The following STRBP variants were observed in gnomAD, a reference collection of about 807,000 sequenced individuals.
STRBP encodes the protein spermatid perinuclear RNA-binding protein.
Under a neutral mutation model 80.1 loss-of-function variants are expected in STRBP, and 13 were observed. That is an observed-to-expected ratio of 0.16 (90% CI 0.11 to 0.26). The LOEUF (loss-of-function observed/expected upper bound fraction) is 0.26. STRBP is among the 10% of genes least tolerant of loss of function. The pLI is 1.00. For synonymous variants in STRBP, 284 were observed against 291.2 expected (o/e 0.98, Z 0.25); for missense variants, 485 against 815.2 (o/e 0.59, Z 4.93).
rs756944159 is a variant in STRBP, at chr9:123,115,074, T to C, written c.*84+855A>G. The C allele has an allele frequency of 4.2e-5, 17 of 402,968 alleles. 1 individual carries two copies. Among genetic ancestry groups the C allele is most frequent in the South Asian group, 1.5e-4 (8 of 53,080 alleles). The allele number at this position is 402,968 out of a possible 1,614,324, so 25.0% of individuals were successfully genotyped here. ...TCACTATTGTGGACAATGGTCATCA[T>C]TGAAGGACACACCACCCAGGGCCTT... On this transcript the variant is annotated intron_variant and NMD_transcript_variant, in intron 3 of 3. Coordinates refer to the STRBP transcript ENST00000471564. The surrounding 1 kb of genome is among the most constrained non-coding windows in gnomAD (Gnocchi z 5.0).
At chr9:123,263,800 T>C (rs945853350) in intron 1 of STRBP, among the ~76,000 whole-genome samples, 2 of 152,250 alleles carry the variant, frequency 1.3e-5, no homozygotes, top group Non-Finnish European at 2.9e-5. Flanking sequence ...GGGATAGCTC[T>C]ATTTTTCTAT....
chr9:123,123,066 T>A lies in STRBP; in HGVS notation c.*2531A>T, dbSNP rs1042668783. 1.0e-6 allele frequency: 1 copy of A among 985,314 alleles called. No homozygotes were observed. The highest frequency in any genetic ancestry group is 1.7e-5 in the African/African-American group (1 of 57,232). The allele number at this position is 985,314 out of a possible 1,614,324, so 61.0% of individuals were successfully genotyped here. A position where few individuals can be genotyped will look rare whatever the true frequency, so the allele number is the denominator to read the frequency against. On this transcript the variant is annotated 3_prime_UTR_variant, in exon 19 of 19. Coordinates refer to ENST00000348403, the MANE Select transcript of STRBP (RefSeq NM_018387.5). Reference sequence around the variant, plus strand: ...GGATAGCCTCAGGGTGTCACATTGCTCTTAAGACCAAGACATAGAAATTGC... The same window carrying A: ...GGATAGCCTCAGGGTGTCACATTGCACTTAAGACCAAGACATAGAAATTGC...
At chr9:123,164,410 A>G (rs1041271642) in intron 6 of STRBP, among the ~76,000 whole-genome samples, 3 of 152,208 alleles carry the variant, frequency 2.0e-5, no homozygotes, top group Non-Finnish European at 4.4e-5. Context: ...GAAGGTACAT[A>G]CAACATTCTA....
chr9:123,150,830 G>C (rs1231715352), intron 11 of STRBP, among the ~76,000 whole-genome samples: 1 of 152,112 alleles, frequency 6.6e-6, no homozygotes, highest in Non-Finnish European at 1.5e-5. Flanking sequence ...TTATACACTA[G>C]AAGTAAGATG....
intron 8 of STRBP, among the ~76,000 whole-genome samples, 187 bp from the exon 9 acceptor site, chr9:123,159,394 A>G (rs1233754193): frequency 6.6e-6 from 1 of 152,194 alleles, no homozygotes; most frequent in African/African-American, 2.4e-5. Flanking sequence ...TAAATCAAGC[A>G]ATTTTAAGAT....
chr9:123,125,498 C>A lies in STRBP; in HGVS notation c.*99G>T. On this transcript the variant is annotated 3_prime_UTR_variant, in exon 19 of 19. Transcript: ENST00000348403. ...GATGTTCTTTACAAATAATTTTGATCAAGTATGTGTTCAAAGAAAGCAGGA... is the reference window on the plus strand; with the variant it reads ...GATGTTCTTTACAAATAATTTTGATAAAGTATGTGTTCAAAGAAAGCAGGA... 1 of 1,324,104 alleles carries A rather than the reference C, an allele frequency of 7.6e-7. No individual in the cohort carries two copies. The highest frequency in any genetic ancestry group is 9.7e-7 in the Non-Finnish European group (1 of 1,028,812). The allele number at this position is 1,324,104 out of a possible 1,614,324, so 82.0% of individuals were successfully genotyped here. A position where few individuals can be genotyped will look rare whatever the true frequency, so the allele number is the denominator to read the frequency against.
intron 11 of STRBP, among the ~76,000 whole-genome samples, chr9:123,150,988 G>A (rs2037034130): frequency 6.6e-6 from 1 of 152,112 alleles, no homozygotes; most frequent in African/African-American, 2.4e-5. Flanking sequence ...CTCCCTGGAG[G>A]AAGATATCAT....
At chr9:123,248,093 GTATA>G (rs903458481) in intron 1 of STRBP, among the ~76,000 whole-genome samples, 3 of 151,750 alleles carry the variant, frequency 2.0e-5, no homozygotes, top group African/African-American at 7.3e-5. Flanking sequence ...CTCTGTGTAT[GTATA>G]TATTTTTCCT....
At chr9:123,263,517 C>A (rs1348129459) in intron 1 of STRBP, among the ~76,000 whole-genome samples, 2 of 136,432 alleles carry the variant, frequency 1.5e-5, no homozygotes, top group African/African-American at 6.2e-5. Context: ...AGAGCAAGAC[C>A]CTGTCTCAAA....
intron 1 of STRBP, among the ~76,000 whole-genome samples, chr9:123,241,519 C>CA (rs1234632965): frequency 9.9e-4 from 139 of 140,902 alleles, no homozygotes; most frequent in Middle Eastern, 3.7e-3. Flanking sequence ...CCCGCACACA[C>CA]AAAAAAAAAA....
intron 2 of STRBP, among the ~76,000 whole-genome samples, chr9:123,186,038 A>AAG (rs1269894023): frequency 6.6e-6 from 1 of 150,988 alleles, no homozygotes; most frequent in East Asian, 1.9e-4. Flanking sequence ...TCTCAAAAAA[A>AAG]AAAAAAAAAA....
intron 2 of STRBP, among the ~76,000 whole-genome samples, chr9:123,218,200 G>C (rs2039956807): frequency 6.6e-6 from 1 of 151,958 alleles, no homozygotes; most frequent in Admixed American, 6.6e-5. Context: ...TCTTAGCATA[G>C]AATGTTTTCT....
Position 123,193,297 on chromosome 9 carries a change from C to A in STRBP, c.-164-8999G>T, listed in dbSNP as rs1278491488. On this transcript the variant is annotated intron_variant, in intron 2 of 18. Coordinates refer to ENST00000348403, the MANE Select transcript of STRBP (RefSeq NM_018387.5). ...TGAATTCAACCCTAAATTTATCCTT[C>A]CTTAGAGTGCCATAACCACAGAATC... 3.3e-5 allele frequency among the ~76,000 whole-genome samples: 5 copies of A among 152,282 alleles called. No individual in the cohort carries two copies. The East Asian group carries it at 9.6e-4, about 29-fold the overall frequency.
chr9:123,132,154 T>C (rs1040788707), intron 17 of STRBP, among the ~76,000 whole-genome samples: 1 of 152,184 alleles, frequency 6.6e-6, no homozygotes. Flanking sequence ...GAATATGAAC[T>C]TTGGAAATGC....
chr9:123,180,134 T>C (rs1053574127), intron 3 of STRBP, among the ~76,000 whole-genome samples: 6 of 152,104 alleles, frequency 3.9e-5, no homozygotes, highest in Non-Finnish European at 8.8e-5. Context: ...CAGGTGCCTA[T>C]AGTCCTAGCC....
intron 17 of STRBP, among the ~76,000 whole-genome samples, chr9:123,130,826 T>G (rs1191511320): frequency 6.6e-6 from 1 of 152,106 alleles, no homozygotes; most frequent in African/African-American, 2.4e-5. Context: ...ATCACTCTTC[T>G]TTCTATATAT....
chr9:123,251,153 CTCTGTT>C lies in STRBP; in HGVS notation c.-301-14193_-301-14188del, dbSNP rs538392142. 1.5e-4 allele frequency among the ~76,000 whole-genome samples: 23 copies of C among 152,148 alleles called. 1 individual carries two copies. In the South Asian group the frequency reaches 2.7e-3, roughly 18 times the overall value. ...TGTCTGTCTCTGTTTCTTTCTCTGT[CTCTGTT>C]TCTTTCTTTTCTTTTTTCTTTCTTT... is the stretch of plus-strand genomic sequence containing the variant. On this transcript the variant is annotated intron_variant, in intron 1 of 18. Transcript: ENST00000348403.
chr9:123,268,090 C>A (rs1420677150), intron 1 of STRBP, among the ~76,000 whole-genome samples: 2 of 151,766 alleles, frequency 1.3e-5, no homozygotes, highest in African/African-American at 4.8e-5. Flanking sequence ...CCGAGCCCTC[C>A]GTCCCGGAAG....
chr9:123,134,698 C>T (rs2036283403), intron 16 of STRBP, among the ~76,000 whole-genome samples: 1 of 152,144 alleles, frequency 6.6e-6, no homozygotes, highest in African/African-American at 2.4e-5. Context: ...AAATCTAGCT[C>T]ATGTCTAGTA....
Sources: gnomAD v4.1 joint callset for allele counts (sites outside exome capture counted in the v4.1 genomes callset) on GRCh38, gnomAD v4.1.1 for gene constraint, Gnocchi (gnomAD v3.1) non-coding constraint, MANE v1.5 for transcripts, NCBI Gene and HGNC (gene_info 2026-07-23, HGNC 2026-07-21) for gene names.